DPYSL3: variants seen among roughly 807,000 people sequenced by gnomAD.
The protein encoded by DPYSL3 is dihydropyrimidinase-related protein 3.
Under a neutral mutation model 66.1 loss-of-function variants are expected in DPYSL3, and 16 were observed. The observed-to-expected ratio is 0.24, with a 90% CI of 0.16 to 0.37. DPYSL3 has a LOEUF of 0.37. DPYSL3 is among the 10% of genes least tolerant of loss of function. The pLI is 1.00. For synonymous variants in DPYSL3, 338 were observed against 345.1 expected (o/e 0.98, Z 0.23); for missense variants, 738 against 916.2 (o/e 0.81, Z 2.51).
intron 8 of DPYSL3, among the ~76,000 whole-genome samples, chr5:147,404,609 G>A (rs779671547): frequency 3.9e-5 from 6 of 152,134 alleles, no homozygotes; most frequent in Non-Finnish European, 5.9e-5. Flanking sequence ...ACCTGCACTC[G>A]TCCCTTACCC....
At chr5:147,468,851 T>C (rs1217714486) in intron 1 of DPYSL3, among the ~76,000 whole-genome samples, 1 of 152,200 alleles carries the variant, frequency 6.6e-6, no homozygotes, top group Non-Finnish European at 1.5e-5. Context: ...ATGATTGTTT[T>C]ATTATGACCT....
intron 1 of DPYSL3, among the ~76,000 whole-genome samples, chr5:147,458,367 G>A (rs564460929): frequency 4.6e-5 from 7 of 152,254 alleles, no homozygotes; most frequent in African/African-American, 7.2e-5. Context: ...CCATGGCAAC[G>A]TCGGAAGTTA....
chr5:147,509,946 T>G lies in DPYSL3; in HGVS notation c.-88A>C, dbSNP rs1753736706. 6 of 1,437,802 alleles carry G rather than the reference T, an allele frequency of 4.2e-6. No individual in the cohort carries two copies. In the South Asian group the frequency reaches 8.8e-5, roughly 21 times the overall value. 89.1% of individuals were successfully genotyped at this position (1,437,802 alleles called of 1,614,324 possible). A position where few individuals can be genotyped will look rare whatever the true frequency, so the allele number is the denominator to read the frequency against. On this transcript the variant is annotated 5_prime_UTR_variant, in exon 1 of 14. Transcript: ENST00000343218. The surrounding 1 kb of genome is among the most constrained non-coding windows in gnomAD (Gnocchi z 5.3). ...GCAGCGTGCGCCGAGCCACAGTGAC[T>G]GTGGCGGGAGGAGGCGCCTGAGCCT...
Position 147,431,874 on chromosome 5 carries a change from G to A in DPYSL3, c.382-6911C>T, listed in dbSNP as rs545990882. 2.0e-5 allele frequency among the ~76,000 whole-genome samples: 3 copies of A among 152,174 alleles called. No homozygotes were observed. The South Asian group carries it at 6.2e-4, about 32-fold the overall frequency. Reference sequence around the variant, plus strand: ...ACTCTTCCAGCAGGACTGTAGAGAGGGCAGTAAGGTCTTAAAGCTGCCTCC... The same window carrying A: ...ACTCTTCCAGCAGGACTGTAGAGAGAGCAGTAAGGTCTTAAAGCTGCCTCC... On this transcript the variant is annotated intron_variant, in intron 1 of 13. Coordinates refer to ENST00000343218, the MANE Select transcript of DPYSL3 (RefSeq NM_001197294.2).
At chr5:147,441,829 AG>A (rs994301872) in intron 1 of DPYSL3, among the ~76,000 whole-genome samples, 42 of 152,284 alleles carry the variant, frequency 2.8e-4, no homozygotes, top group African/African-American at 9.4e-4. Flanking sequence ...CATAGCAAAA[AG>A]GGTTCTGAGA....
In DPYSL3 at chr5:147,480,398, G is replaced by A. The variant is rs959786136; in HGVS notation, c.381+29080C>T. On this transcript the variant is annotated intron_variant, in intron 1 of 13. Coordinates refer to ENST00000343218, the MANE Select transcript of DPYSL3 (RefSeq NM_001197294.2). ...CTCTAGTTATTTTCTCTGGATTAAC[G>A]TCTATGTCTCTTTTCGCTCTTTCAA... is the stretch of plus-strand genomic sequence containing the variant. Among the ~76,000 whole-genome samples the A allele has an allele frequency of 4.0e-5, 6 of 149,692 alleles. No homozygotes were observed. In the East Asian group the frequency reaches 8.2e-4, roughly 20 times the overall value.
chr5:147,477,397 A>G (rs1258092706), intron 1 of DPYSL3, among the ~76,000 whole-genome samples: 1 of 152,164 alleles, frequency 6.6e-6, no homozygotes, highest in African/African-American at 2.4e-5. Context: ...AAGATGATCC[A>G]CAATAAAGTT....
chr5:147,407,965 A>G (rs912450445), intron 7 of DPYSL3, among the ~76,000 whole-genome samples: 2 of 152,134 alleles, frequency 1.3e-5, no homozygotes, highest in African/African-American at 4.8e-5. Context: ...TGTTCTATTT[A>G]TATTTTAAAT....
intron 2 of DPYSL3, among the ~76,000 whole-genome samples, chr5:147,423,121 C>T (rs1349895661): frequency 2.6e-5 from 4 of 152,166 alleles, no homozygotes; most frequent in African/African-American, 9.7e-5. Context: ...CTTGCTACCT[C>T]TGAATAGAGC....
At chr5:147,424,752 C>T in intron 2 of DPYSL3, 123 bp downstream of exon 2, 1 of 733,302 alleles carries the variant, frequency 1.4e-6, no homozygotes, top group Non-Finnish European at 2.2e-6. Flanking sequence ...CTCAGTATCT[C>T]ACTTCATTCT....
At chr5:147,394,702 C>T (rs1757919319) in intron 13 of DPYSL3, among the ~76,000 whole-genome samples, 1 of 151,446 alleles carries the variant, frequency 6.6e-6, no homozygotes, top group African/African-American at 2.4e-5. Context: ...AAGGCAAAAA[C>T]TTTGAAAAAA....
intron 1 of DPYSL3, among the ~76,000 whole-genome samples, chr5:147,431,519 C>T (rs1752316699): frequency 6.6e-6 from 1 of 152,092 alleles, no homozygotes; most frequent in African/African-American, 2.4e-5. Flanking sequence ...GCTTGGCACA[C>T]TATAAATGCT....
rs1272691336 is a variant in DPYSL3 at position 147,413,586 on chromosome 5, G to A, written c.882+10C>T. On this transcript the variant is annotated intron_variant, in intron 5 of 13. Coordinates refer to ENST00000343218, the MANE Select transcript of DPYSL3 (RefSeq NM_001197294.2). ...AGATACCCCAAACCACATAGCAAAT[G>A]GGTTGTTACCTCTGTGTTAGATACT... 24 of 1,608,670 alleles carry A rather than the reference G, an allele frequency of 1.5e-5. No individual in the cohort carries two copies. The highest frequency in any genetic ancestry group is 2.0e-5 in the Non-Finnish European group (24 of 1,175,548).
chr5:147,423,400 T>C (rs1752123713), intron 2 of DPYSL3, among the ~76,000 whole-genome samples: 1 of 152,220 alleles, frequency 6.6e-6, no homozygotes, highest in African/African-American at 2.4e-5. Flanking sequence ...TTATTTACAC[T>C]CTATGTGCTG....
At chr5:147,506,194 A>G (rs1753683586) in intron 1 of DPYSL3, among the ~76,000 whole-genome samples, 1 of 152,204 alleles carries the variant, frequency 6.6e-6, no homozygotes, top group Admixed American at 6.5e-5. Flanking sequence ...TTATTATGAT[A>G]TAATAGAAAG....
At chr5:147,446,280 C>T (rs1027778534) in intron 1 of DPYSL3, among the ~76,000 whole-genome samples, 10 of 152,204 alleles carry the variant, frequency 6.6e-5, no homozygotes, top group African/African-American at 2.4e-4. Context: ...AAATTAGAGG[C>T]AAAGGCAGGC....
At position 147,400,817 on chromosome 5, in the gene DPYSL3, A is replaced by G. The variant is rs1456832027; in HGVS notation, c.1327T>C (p.Ser443Pro). Residue 443 changes from serine to proline, a missense_variant, in exon 10 of 14, where the codon TCT becomes CCT. Coordinates refer to ENST00000343218, the MANE Select transcript of DPYSL3 (RefSeq NM_001197294.2). The part of the protein sequence containing the change: ...SLLASGDLQL[S>P]GSAHCTFSTA... The stretch of plus-strand genomic sequence containing the variant: ...CTGAAGGTGCAGTGGGCACTCCCAG[A>G]TAGCTGCAGATCCCCGCTGGCAAAG... The G allele has an allele frequency of 6.2e-7, 1 of 1,613,958 alleles. No individual in the cohort carries two copies. Among genetic ancestry groups the G allele is most frequent in the Non-Finnish European group, 8.5e-7 (1 of 1,179,902 alleles).
chr5:147,450,763 G>C (rs1561792930), intron 1 of DPYSL3, among the ~76,000 whole-genome samples: 1 of 152,174 alleles, frequency 6.6e-6, no homozygotes, highest in African/African-American at 2.4e-5. Flanking sequence ...GTGGTAGAAA[G>C]TAGTTCCCAG....
At chr5:147,399,391 A>G (rs2152016325) in intron 10 of DPYSL3, 139 bp from the exon 11 acceptor site, 6 of 977,778 alleles carry the variant, frequency 6.1e-6, no homozygotes, top group South Asian at 1.9e-5. Flanking sequence ...GAGCTACAGA[A>G]CCTCACTCAG....
Sources: allele counts gnomAD v4.1 joint callset (sites outside exome capture counted in the v4.1 genomes callset), GRCh38; gene constraint gnomAD v4.1.1; non-coding constraint Gnocchi (gnomAD v3.1); transcripts MANE v1.5; gene names NCBI Gene and HGNC (gene_info 2026-07-23, HGNC 2026-07-21).